Variants in GDF3 observed in about 807,000 individuals in gnomAD.
GDF3 encodes growth differentiation factor 3, also known as growth/differentiation factor 3.
In GDF3, 10 loss-of-function variants were observed where a neutral mutation model predicts 10.2. That is an observed-to-expected ratio of 0.98 (90% CI 0.60 to 1.66). GDF3 has a LOEUF of 1.66. GDF3 is among the 40% of genes most tolerant of loss of function. The pLI, the probability that GDF3 is intolerant of heterozygous loss-of-function variation, is 0.00. For missense variants in GDF3, 450 were observed against 438.3 expected (o/e 1.03, Z -0.24); for synonymous variants, 166 against 178.5 (o/e 0.93, Z 0.56).
At chr12:7,690,753 A>T (rs968432908) in intron 1 of GDF3, 49 bp from the exon 2 acceptor site, 7 of 996,038 alleles carry the variant, frequency 7.0e-6, no homozygotes, top group Middle Eastern at 2.0e-4. Flanking sequence ...TATTTACTTC[A>T]TATCCACCTA....
At chr12:7,691,149 CAAAAA>C (rs71038718) in intron 1 of GDF3, among the ~76,000 whole-genome samples, 1 of 120,722 alleles carries the variant, frequency 8.3e-6, no homozygotes, top group Non-Finnish European at 1.7e-5. Context: ...GACTCCGTCT[CAAAAA>C]AAAAAAAAAA....
At chr12:7,695,337 A>C in intron 1 of GDF3, 124 bp downstream of exon 1, 1 of 966,086 alleles carries the variant, frequency 1.0e-6, no homozygotes, top group South Asian at 1.3e-5. Context: ...GCTGGAATTA[A>C]ATGAGACAAA....
At chr12:7,691,421 T>C (rs896035524) in intron 1 of GDF3, among the ~76,000 whole-genome samples, 2 of 151,500 alleles carry the variant, frequency 1.3e-5, no homozygotes, top group African/African-American at 4.8e-5. Flanking sequence ...AAAATATTTA[T>C]GGAGTCCAGG....
rs1350071061 is a variant in GDF3, at chr12:7,690,546, G to C, written c.427C>G (p.Leu143Val). The change falls in exon 2 of 2, where the codon CTG becomes GTG. Residue 143 changes from leucine to valine, a missense_variant. Leu to Val is a conservative substitution (Grantham distance 32). Transcript: ENST00000329913. ...PNSYYNLGPE[L>V]ELALFLVQEP... is the part of the protein sequence containing the mutation. ...TGAACCAGGAACAGAGCCAGTTCCA[G>C]CTCTGGTCCCAGGTTATAGTAAGAA... 6.2e-7 allele frequency: 1 copy of C among 1,609,426 alleles called. No homozygotes were observed. Among genetic ancestry groups the C allele is most frequent in the Non-Finnish European group, 8.5e-7 (1 of 1,177,068 alleles).
Position 7,691,401 on chromosome 12 carries a change from C to CA in GDF3, c.269-698dup, listed in dbSNP as rs1864128736. Among the ~76,000 whole-genome samples, 4 of 151,712 alleles carry CA rather than the reference C, an allele frequency of 2.6e-5. No homozygotes were observed. In the South Asian group the frequency reaches 8.3e-4, roughly 32 times the overall value. On this transcript the variant is annotated intron_variant, in intron 1 of 1. Coordinates refer to ENST00000329913, the MANE Select transcript of GDF3 (RefSeq NM_020634.3). ...GGTGTGTTCATACGTTTAGTTGTTG[C>CA]AAATAACTTAAAATATTTATGGAGT...
rs754962446 is a variant in GDF3, at chr12:7,690,379, G to A, written c.594C>T (p.Phe198=). The A allele has an allele frequency of 2.5e-5, 40 of 1,613,944 alleles. No individual in the cohort carries two copies. Among genetic ancestry groups the A allele is most frequent in the Non-Finnish European group, 3.1e-5 (36 of 1,179,962 alleles). Residue 198 remains phenylalanine (F), a synonymous_variant, in exon 2 of 2, where the codon TTC becomes TTT. Coordinates refer to ENST00000329913, the MANE Select transcript of GDF3 (RefSeq NM_020634.3). The part of the protein sequence containing the change: ...KDWNDNPRKN[F]GLFLEILVKE... ...TGACCAGTATCTCCAGGAATAACCCGAAATTTTTCCGGGGGTTGTCATTCC... is the reference window on the plus strand; with the variant it reads ...TGACCAGTATCTCCAGGAATAACCCAAAATTTTTCCGGGGGTTGTCATTCC...
In GDF3 at chr12:7,695,061, C is replaced by G. The variant is rs75082697; in HGVS notation, c.268+400G>C. The stretch of plus-strand genomic sequence containing the variant: ...CAAACCAACCTCAAAATTTTCATAC[C>G]CTGCTTGCCACATGGAAGACGGCAG... On this transcript the variant is annotated intron_variant, in intron 1 of 1. Coordinates refer to ENST00000329913, the MANE Select transcript of GDF3 (RefSeq NM_020634.3). 5.3e-3 allele frequency among the ~76,000 whole-genome samples: 812 copies of G among 152,188 alleles called. 11 individuals are homozygous for G. The highest frequency in any genetic ancestry group is 0.018 in the African/African-American group (757 of 41,506).
At position 7,690,917 on chromosome 12, in the gene GDF3, C is replaced by A. The variant is rs192293194; in HGVS notation, c.269-213G>T. Among the ~76,000 whole-genome samples the A allele has an allele frequency of 5.8e-3, 877 of 151,448 alleles. 9 individuals carry two copies. Among genetic ancestry groups the A allele is most frequent in the African/African-American group, 0.019 (795 of 41,312 alleles). ...CTGTAATCCCAGCACTTTGGGAGGC[C>A]GAGGCGGGCGGATCACGAGGTCAGG... On this transcript the variant is annotated intron_variant, in intron 1 of 1. Coordinates refer to ENST00000329913, the MANE Select transcript of GDF3 (RefSeq NM_020634.3).
rs1475484572 is a variant in GDF3, at chr12:7,690,790, T to C, written c.269-86A>G. 3 of 782,564 alleles carry C rather than the reference T, an allele frequency of 3.8e-6. No individual in the cohort carries two copies. In the East Asian group the frequency reaches 7.6e-5, roughly 20 times the overall value. 48.5% of individuals were successfully genotyped at this position (782,564 alleles called of 1,614,324 possible). A position where few individuals can be genotyped will look rare whatever the true frequency, so the allele number is the denominator to read the frequency against. Reference sequence around the variant, plus strand: ...ATAATAGAAATGCCAGACACCCACATATACAATATAAGGGCAGGGAAAGAC... The same window carrying C: ...ATAATAGAAATGCCAGACACCCACACATACAATATAAGGGCAGGGAAAGAC... On this transcript the variant is annotated intron_variant, in intron 1 of 1. Transcript: ENST00000329913.
chr12:7,694,566 T>G (rs1027008589), intron 1 of GDF3, among the ~76,000 whole-genome samples: 2 of 64,788 alleles, frequency 3.1e-5, no homozygotes, highest in Admixed American at 4.3e-4. Flanking sequence ...AGAGCGAGAC[T>G]CTCAAAAAAA....
At chr12:7,695,194 T>C (rs1381628267) in intron 1 of GDF3, among the ~76,000 whole-genome samples, 4 of 152,166 alleles carry the variant, frequency 2.6e-5, no homozygotes, top group Non-Finnish European at 4.4e-5. Flanking sequence ...CAAAAACCTA[T>C]TTCAAATCCT....
chr12:7,691,971 C>T (rs1050259559), intron 1 of GDF3, among the ~76,000 whole-genome samples: 3 of 151,458 alleles, frequency 2.0e-5, no homozygotes, highest in African/African-American at 4.9e-5. Flanking sequence ...CACGCCACTG[C>T]ACTCCAGCCT....
intron 1 of GDF3, among the ~76,000 whole-genome samples, chr12:7,691,570 GA>G (rs1565449251): frequency 1.1e-4 from 15 of 139,008 alleles, no homozygotes; most frequent in Non-Finnish European, 2.4e-4. Flanking sequence ...TAAAAGAAAA[GA>G]AAAAGAAAAA....
intron 1 of GDF3, among the ~76,000 whole-genome samples, chr12:7,692,434 T>TA (rs762903239): frequency 0.13 from 17,466 of 135,838 alleles, 1,083 homozygotes; most frequent in Non-Finnish European, 0.15. Flanking sequence ...CCGTCTCAGT[T>TA]AAAAAAAAAA....
At position 7,694,434 on chromosome 12, in the gene GDF3, C is replaced by T. The variant is rs897013893; in HGVS notation, c.268+1027G>A. On this transcript the variant is annotated intron_variant, in intron 1 of 1. Transcript: ENST00000329913. ...TTAAAAAATTAAAAAATTAGCTGGG[C>T]TTGGTGACACACGCCTGTAATCCCA... Among the ~76,000 whole-genome samples the T allele has an allele frequency of 3.7e-5, 5 of 136,162 alleles. No individual in the cohort carries two copies. In the East Asian group the frequency reaches 6.5e-4, roughly 18 times the overall value. 89.3% of individuals were successfully genotyped at this position (136,162 alleles called of 152,430 possible).
chr12:7,691,417 T>G (rs764560235), intron 1 of GDF3, among the ~76,000 whole-genome samples: 1 of 151,598 alleles, frequency 6.6e-6, no homozygotes, highest in Non-Finnish European at 1.5e-5. Context: ...ACTTAAAATA[T>G]TTATGGAGTC....
intron 1 of GDF3, among the ~76,000 whole-genome samples, chr12:7,694,298 C>T (rs1018018100): frequency 2.0e-5 from 3 of 152,092 alleles, no homozygotes; most frequent in Non-Finnish European, 2.9e-5. Flanking sequence ...TGCGGTGGCT[C>T]AGGCCTGTAA....
intron 1 of GDF3, 25 bp from the exon 2 acceptor site, chr12:7,690,729 G>C (rs758161884): frequency 7.7e-7 from 1 of 1,290,450 alleles, no homozygotes; most frequent in Admixed American, 1.7e-5. Flanking sequence ...AGACATGTCA[G>C]AGTCATAATG....
chr12:7,691,580 A>AG (rs1044658083), intron 1 of GDF3, among the ~76,000 whole-genome samples: 3 of 151,910 alleles, frequency 2.0e-5, no homozygotes, highest in South Asian at 2.1e-4. Flanking sequence ...GAAAAAGAAA[A>AG]AAAAAAACAA....
Sources: allele counts gnomAD v4.1 joint callset (sites outside exome capture counted in the v4.1 genomes callset), GRCh38; gene constraint gnomAD v4.1.1; transcripts MANE v1.5; gene names NCBI Gene and HGNC (gene_info 2026-07-23, HGNC 2026-07-21).